EIF4ENIF1: variants seen among roughly 807,000 people sequenced by gnomAD.
EIF4ENIF1 encodes eukaryotic translation initiation factor 4E nuclear import factor 1.
EIF4ENIF1 carries 23 observed loss-of-function variants against 110.5 expected under a neutral mutation model. The ratio of observed to expected loss-of-function variants is 0.21; its 90% confidence interval spans 0.15 to 0.29. The LOEUF (loss-of-function observed/expected upper bound fraction) is 0.29, where lower values mean the gene tolerates loss of function less well. Among genes scored for constraint, EIF4ENIF1 ranks in the 10% least tolerant of loss-of-function variants. EIF4ENIF1 has a pLI of 1.00. For missense variants in EIF4ENIF1, 1,031 were observed against 1,221.1 expected, an observed-to-expected ratio of 0.84 and a Z score of 2.32; for synonymous variants, 440 against 437.0, an observed-to-expected ratio of 1.01 and a Z score of -0.09.
At chr22:31,480,698 T>A (rs1221027706) in intron 2 of EIF4ENIF1, among the ~76,000 whole-genome samples, 2 of 151,960 alleles carry the variant, frequency 1.3e-5, no homozygotes, top group African/African-American at 2.4e-5. Context: ...GAGGTTGTGG[T>A]GAGCCAAGAT....
chr22:31,455,785 A>G lies in EIF4ENIF1; in HGVS notation c.1099+67T>C, dbSNP rs1453140595. 2.5e-6 allele frequency: 4 copies of G among 1,596,430 alleles called. No homozygotes were observed. The Admixed American group carries it at 5.1e-5, about 20-fold the overall frequency. On this transcript the variant is annotated intron_variant, in intron 8 of 18. Coordinates refer to ENST00000330125, the MANE Select transcript of EIF4ENIF1 (RefSeq NM_019843.4). ...CCTAATTGACTCCTGACTAATGAAGATAAAATGAACCATATCAGGGAAAAA... is the reference window on the plus strand; with the variant it reads ...CCTAATTGACTCCTGACTAATGAAGGTAAAATGAACCATATCAGGGAAAAA...
chr22:31,443,213 C>T, intron 15 of EIF4ENIF1, 119 bp from the exon 16 acceptor site: 1 of 1,372,738 alleles, frequency 7.3e-7, no homozygotes, highest in Non-Finnish European at 9.7e-7. Flanking sequence ...CATAGGCCAA[C>T]TGTAGTATTC....
Position 31,450,494 on chromosome 22 carries a change from T to C in EIF4ENIF1, c.1513-134A>G, listed in dbSNP as rs554130243. 2.6e-5 allele frequency: 16 copies of C among 625,928 alleles called. No individual in the cohort carries two copies. In the East Asian group the frequency reaches 3.5e-4, roughly 14 times the overall value. 38.8% of individuals were successfully genotyped at this position (625,928 alleles called of 1,614,324 possible). A position where few individuals can be genotyped will look rare whatever the true frequency, so the allele number is the denominator to read the frequency against. On this transcript the variant is annotated intron_variant, in intron 10 of 18. Coordinates refer to ENST00000330125, the MANE Select transcript of EIF4ENIF1 (RefSeq NM_019843.4). ...AATGATACTCAAGTCACAGAAAACTTAGACCAACGTGTTCCGCTCTCATCA... is the reference window on the plus strand; with the variant it reads ...AATGATACTCAAGTCACAGAAAACTCAGACCAACGTGTTCCGCTCTCATCA...
intron 2 of EIF4ENIF1, among the ~76,000 whole-genome samples, chr22:31,472,515 C>T (rs751330951): frequency 6.6e-5 from 10 of 152,216 alleles, no homozygotes; most frequent in Admixed American, 5.2e-4. Context: ...GCGATCTGCC[C>T]GCCTCGGCCT....
chr22:31,483,209 CTTTTT>C (rs60986284), intron 2 of EIF4ENIF1, among the ~76,000 whole-genome samples: 3 of 89,450 alleles, frequency 3.4e-5, no homozygotes, highest in African/African-American at 8.1e-5. Flanking sequence ...AGGAGACGAT[CTTTTT>C]TTTTTTTTTT....
At chr22:31,459,176 C>T (rs1321531608) in intron 6 of EIF4ENIF1, among the ~76,000 whole-genome samples, 1 of 152,138 alleles carries the variant, frequency 6.6e-6, no homozygotes, top group Non-Finnish European at 1.5e-5. Flanking sequence ...GATCCTCCTG[C>T]CTTGGCCTCC....
At chr22:31,491,992 C>T (rs887215597), upstream of EIF4ENIF1, among the ~76,000 whole-genome samples, 2 of 152,178 alleles carry the variant, frequency 1.3e-5, no homozygotes, top group Non-Finnish European at 2.9e-5. Context: ...GGTTTCTGAT[C>T]CATTCAGCAC....
intron 12 of EIF4ENIF1, 70 bp from the exon 13 acceptor site, chr22:31,448,302 G>T: frequency 6.8e-7 from 1 of 1,460,338 alleles, no homozygotes; most frequent in Non-Finnish European, 9.6e-7. Flanking sequence ...TTTCATTAAT[G>T]CATGACATTT....
intron 1 of EIF4ENIF1, chr22:31,489,278 C>G: frequency 6.5e-6 from 1 of 153,040 alleles, no homozygotes; most frequent in Non-Finnish European, 1.5e-5. Context: ...AGGGCGAGCA[C>G]CGGCTTCAGC....
At position 31,486,270 on chromosome 22, in the gene EIF4ENIF1, CAA is replaced by C. The variant is rs374138027; in HGVS notation, c.96+2351_96+2352del. ...CGGCGACAAGAGCGAAACTCCGTCT[CAA>C]AAAAAAAAAAATAAAAATAAAAATA... On this transcript the variant is annotated intron_variant, in intron 2 of 18. Coordinates refer to ENST00000330125, the MANE Select transcript of EIF4ENIF1 (RefSeq NM_019843.4). Among the ~76,000 whole-genome samples, 59 of 146,752 alleles carry C rather than the reference CAA, an allele frequency of 4.0e-4. 3 individuals carry two copies. Among genetic ancestry groups the C allele is most frequent in the South Asian group, 3.9e-3 (18 of 4,616 alleles).
At position 31,444,613 on chromosome 22, in the gene EIF4ENIF1, G is replaced by A; in HGVS notation, c.2066C>T (p.Thr689Ile). The change falls in exon 15 of 19, where the codon ACA (threonine) becomes ATA (isoleucine). Residue 689 changes from threonine (T) to isoleucine (I), a missense_variant. Coordinates refer to ENST00000330125, the MANE Select transcript of EIF4ENIF1 (RefSeq NM_019843.4). ...TTACTAAAGGTCACTGACCATGCTTGTGATGGAGGCAGCAGGGGCAGGGGA... is the reference window on the plus strand; with the variant it reads ...TTACTAAAGGTCACTGACCATGCTTATGATGGAGGCAGCAGGGGCAGGGGA... ...SSSPAPAASI[T>I]SMLSPSFTPT... 6.2e-7 allele frequency: 1 copy of A among 1,614,092 alleles called. No individual in the cohort carries two copies. Among genetic ancestry groups the A allele is most frequent in the Non-Finnish European group, 8.5e-7 (1 of 1,179,966 alleles).
intron 2 of EIF4ENIF1, among the ~76,000 whole-genome samples, chr22:31,487,556 G>A (rs1249829968): frequency 2.6e-5 from 4 of 152,066 alleles, no homozygotes; most frequent in African/African-American, 9.7e-5. Context: ...CAACACTTTG[G>A]GAGGCCAAGG....
intron 11 of EIF4ENIF1, 149 bp downstream of exon 11, chr22:31,450,140 A>G: frequency 1.5e-6 from 1 of 676,084 alleles, no homozygotes; most frequent in Non-Finnish European, 2.6e-6. Flanking sequence ...TAAAAGCAAC[A>G]CCAAACTATG....
intron 7 of EIF4ENIF1, among the ~76,000 whole-genome samples, chr22:31,456,310 G>T (rs533299353): frequency 6.8e-6 from 1 of 147,540 alleles, no homozygotes; most frequent in Non-Finnish European, 1.5e-5. Flanking sequence ...TGCAAGCTCC[G>T]CCTCCCGGGT....
intron 2 of EIF4ENIF1, among the ~76,000 whole-genome samples, chr22:31,475,011 T>C (rs1477385556): frequency 1.3e-5 from 2 of 152,204 alleles, no homozygotes; most frequent in South Asian, 2.1e-4. Context: ...TCACTGGGTA[T>C]AGCATACCAT....
chr22:31,449,180 T>C (rs2050571273), intron 12 of EIF4ENIF1, among the ~76,000 whole-genome samples, 168 bp downstream of exon 12: 2 of 152,148 alleles, frequency 1.3e-5, no homozygotes, highest in Non-Finnish European at 2.9e-5. Context: ...CTGGCTATTT[T>C]TGTATTTTTA....
At chr22:31,443,419 T>TCTGCAAAAG (rs695368) in intron 15 of EIF4ENIF1, 5,863 of 222,186 alleles carry the variant, frequency 0.026, 253 homozygotes, top group Admixed American at 0.082. Context: ...AGACCTTCCT[T>TCTGCAAAAG]GACATTTCAA....
chr22:31,464,374 G>T (rs2051101101), intron 4 of EIF4ENIF1, among the ~76,000 whole-genome samples: 1 of 151,942 alleles, frequency 6.6e-6, no homozygotes, highest in African/African-American at 2.4e-5. Context: ...CACAGACAAA[G>T]AAATGAACTT....
At position 31,450,340 on chromosome 22, in the gene EIF4ENIF1, C is replaced by T. The variant is rs904563851; in HGVS notation, c.1533G>A (p.Leu511=). 6.2e-7 allele frequency: 1 copy of T among 1,613,338 alleles called. No individual in the cohort carries two copies. The highest frequency in any genetic ancestry group is 1.3e-5 in the African/African-American group (1 of 74,920). Residue 511 remains leucine (L), a synonymous_variant, in exon 11 of 19, where the codon TTG becomes TTA. Transcript: ENST00000330125. The part of the protein sequence containing the change: ...PKVSRNLESH[L]MSPAEIPGQP... ...GGCCTGGAATCTCAGCAGGGGACAT[C>T]AAATGGCTTTCAAGGTTTCGCTAAA...
Sources: gnomAD v4.1 joint callset for allele counts (sites outside exome capture counted in the v4.1 genomes callset) on GRCh38, gnomAD v4.1.1 for gene constraint, MANE v1.5 for transcripts, NCBI Gene and HGNC (gene_info 2026-07-23, HGNC 2026-07-21) for gene names.